The following RYR2 variants were observed in gnomAD, a reference collection of about 807,000 sequenced individuals.
RYR2 encodes ryanodine receptor 2, also known as cardiac muscle ryanodine receptor-calcium release channel.
In RYR2, 227 loss-of-function variants were observed where a neutral mutation model predicts 601.1. The observed-to-expected ratio is 0.38, with a 90% CI of 0.34 to 0.42. The LOEUF is 0.42. RYR2 is among the 10% of genes least tolerant of loss of function. The pLI, the probability that RYR2 is intolerant of heterozygous loss-of-function variation, is 1.00. For synonymous variants in RYR2, 2,223 were observed against 2,175.1 expected, an observed-to-expected ratio of 1.02 and a Z score of -0.61; for missense variants, 4,646 against 6,156.5, an observed-to-expected ratio of 0.75 and a Z score of 8.21.
chr1:237,434,122 T>C (rs950565014), intron 12 of RYR2, among the ~76,000 whole-genome samples: 1 of 152,208 alleles, frequency 6.6e-6, no homozygotes, highest in African/African-American at 2.4e-5. Flanking sequence ...TACCCCTAAC[T>C]GTGTGAGACG....
rs139267973 is a variant in RYR2, at chr1:237,261,915, T to C, written c.49-8582T>C. 8.9e-4 allele frequency among the ~76,000 whole-genome samples: 135 copies of C among 152,284 alleles called. 1 individual carries two copies. The highest frequency in any genetic ancestry group is 3.1e-3 in the African/African-American group (127 of 41,576). ...CTTTTCACCTTCTAAGATTTTCAGA[T>C]TTTTAGTTTATTTTTTAAAATTTGT... is the stretch of plus-strand genomic sequence containing the variant. On this transcript the variant is annotated intron_variant, in intron 1 of 104. Coordinates refer to ENST00000366574, the MANE Select transcript of RYR2 (RefSeq NM_001035.3).
At chr1:237,571,127 C>G (rs1457621767) in intron 29 of RYR2, among the ~76,000 whole-genome samples, 1 of 151,868 alleles carries the variant, frequency 6.6e-6, no homozygotes, top group African/African-American at 2.4e-5. Context: ...GACCTTGTCT[C>G]AAAATAATAA....
intron 25 of RYR2, among the ~76,000 whole-genome samples, chr1:237,543,993 G>A (rs887432763): frequency 1.4e-4 from 21 of 151,966 alleles, no homozygotes; most frequent in African/African-American, 5.1e-4. Flanking sequence ...GATCTTTGTT[G>A]TTTTGTTTTG....
intron 84 of RYR2, among the ~76,000 whole-genome samples, chr1:237,763,184 G>A (rs1344114499): frequency 6.6e-6 from 1 of 152,142 alleles, no homozygotes; most frequent in Non-Finnish European, 1.5e-5. Context: ...TACATTTTCG[G>A]ATTGGTTTTG....
intron 1 of RYR2, among the ~76,000 whole-genome samples, chr1:237,228,598 A>G (rs1684649130): frequency 6.6e-6 from 1 of 152,206 alleles, no homozygotes; most frequent in South Asian, 2.1e-4. Context: ...TTTGCTGTAC[A>G]TGTGATAAAC....
chr1:237,221,565 T>C (rs1472119327), intron 1 of RYR2, among the ~76,000 whole-genome samples: 1 of 152,220 alleles, frequency 6.6e-6, no homozygotes, highest in Non-Finnish European at 1.5e-5. Flanking sequence ...ATCTCAAACA[T>C]TGTGCTAATA....
intron 97 of RYR2, 31 bp downstream of exon 97, chr1:237,798,201 C>CT (rs1443335964): frequency 6.3e-7 from 1 of 1,581,270 alleles, no homozygotes; most frequent in African/African-American, 1.4e-5. Flanking sequence ...ATCCTACAGA[C>CT]TTAGATTGAA....
At chr1:237,494,349 A>G (rs1302916179) in intron 19 of RYR2, among the ~76,000 whole-genome samples, 2 of 152,198 alleles carry the variant, frequency 1.3e-5, no homozygotes, top group Admixed American at 6.5e-5. Flanking sequence ...TGGGAGTCCA[A>G]TGTTCAAGGG....
At position 237,798,142 on chromosome 1, in the gene RYR2, C is replaced by G. The variant is rs1659493419; in HGVS notation, c.14062C>G (p.Pro4688Ala). 1.1e-5 allele frequency: 18 copies of G among 1,612,270 alleles called. No homozygotes were observed. The highest frequency in any genetic ancestry group is 1.5e-5 in the Non-Finnish European group (18 of 1,179,180). ...CAGTGATGCCAGAGAAAAGAAGAAG[C>G]CAAAGAAAGACAGCTCCTTATCAGC... is the stretch of plus-strand genomic sequence containing the variant. ...DFSDAREKKK[P>A]KKDSSLSAVL... The change falls in exon 97 of 105, where the codon CCA becomes GCA. Residue 4688 changes from proline to alanine, a missense_variant. By Grantham distance (27) the Pro-to-Ala change is conservative. This residue lies in a region of RYR2 where 76 missense variants were observed against 97.4 expected (regional missense o/e 0.78). Coordinates refer to ENST00000366574, the MANE Select transcript of RYR2 (RefSeq NM_001035.3).
At chr1:237,541,388 A>G (rs1963523) in intron 25 of RYR2, among the ~76,000 whole-genome samples, 88,361 of 152,034 alleles carry the variant, frequency 0.58, 27,067 homozygotes, top group East Asian at 0.86. Flanking sequence ...CTCACCTTTA[A>G]GTCTTGATTC....
At chr1:237,526,258 G>A (rs1667580463) in intron 24 of RYR2, among the ~76,000 whole-genome samples, 1 of 152,006 alleles carries the variant, frequency 6.6e-6, no homozygotes, top group South Asian at 2.1e-4. Flanking sequence ...CTGATGATTG[G>A]TAATTCAGAT....
At chr1:237,198,793 A>G (rs1490774205) in intron 1 of RYR2, among the ~76,000 whole-genome samples, 1 of 152,106 alleles carries the variant, frequency 6.6e-6, no homozygotes, top group Non-Finnish European at 1.5e-5. Context: ...CAAAGGATTC[A>G]GAAAATCACT....
intron 97 of RYR2, among the ~76,000 whole-genome samples, chr1:237,798,492 A>G (rs568298864): frequency 6.6e-6 from 1 of 152,244 alleles, no homozygotes; most frequent in South Asian, 2.1e-4. Context: ...AACTCAATAT[A>G]TGGCTGTTTT....
chr1:237,588,803 A>C (rs1196080505), intron 29 of RYR2, among the ~76,000 whole-genome samples: 1 of 150,856 alleles, frequency 6.6e-6, no homozygotes, highest in Non-Finnish European at 1.5e-5. Context: ...ATTGTACTCC[A>C]GCCTGGGTGA....
At chr1:237,826,814 T>C (rs1240916219) in intron 101 of RYR2, among the ~76,000 whole-genome samples, 1 of 152,142 alleles carries the variant, frequency 6.6e-6, no homozygotes, top group African/African-American at 2.4e-5. Flanking sequence ...GGTGCTCTTA[T>C]TTTATGCATG....
At chr1:237,417,255 G>A in intron 11 of RYR2, 132 bp downstream of exon 11, 4 of 652,718 alleles carry the variant, frequency 6.1e-6, no homozygotes, top group Non-Finnish European at 1.1e-5. Flanking sequence ...AGAAAGTGGT[G>A]GACAGTTTCT....
At chr1:237,245,017 G>A (rs986121837) in intron 1 of RYR2, among the ~76,000 whole-genome samples, 2 of 152,052 alleles carry the variant, frequency 1.3e-5, no homozygotes, top group Non-Finnish European at 2.9e-5. Flanking sequence ...AGACCAGCCT[G>A]AGCAATATAG....
chr1:237,820,913 C>T (rs1374982783), intron 101 of RYR2, among the ~76,000 whole-genome samples: 2 of 152,170 alleles, frequency 1.3e-5, no homozygotes, highest in African/African-American at 2.4e-5. Context: ...CTGGGAAGTT[C>T]GAACTGGGTG....
chr1:237,267,323 A>T (rs1173313504), intron 1 of RYR2, among the ~76,000 whole-genome samples: 1 of 152,176 alleles, frequency 6.6e-6, no homozygotes, highest in Non-Finnish European at 1.5e-5. Context: ...GTTCGAGACT[A>T]GCCTGGGCAA....
Sources: allele counts gnomAD v4.1 joint callset (sites outside exome capture counted in the v4.1 genomes callset), GRCh38; gene constraint gnomAD v4.1.1; regional missense constraint gnomAD v4.1.1; transcripts MANE v1.5; gene names NCBI Gene and HGNC (gene_info 2026-07-23, HGNC 2026-07-21).